The following LRFN5 variants were observed in gnomAD, a reference collection of about 807,000 sequenced individuals.
The protein encoded by LRFN5 is leucine-rich repeat and fibronectin type-III domain-containing protein 5.
LRFN5 carries 24 observed loss-of-function variants against 45.6 expected under a neutral mutation model. The observed-to-expected ratio is 0.53, with a 90% confidence interval of 0.38 to 0.74. The LOEUF is 0.74. Among genes scored for constraint, LRFN5 ranks in the 30% least tolerant of loss-of-function variants. The pLI is 0.00. For synonymous variants in LRFN5, 340 were observed against 313.8 expected (o/e 1.08, Z -0.88); for missense variants, 776 against 861.5 (o/e 0.90, Z 1.24).
At chr14:41,702,054 C>G (rs777716180) in intron 1 of LRFN5, among the ~76,000 whole-genome samples, 1 of 152,106 alleles carries the variant, frequency 6.6e-6, no homozygotes, top group Non-Finnish European at 1.5e-5. Flanking sequence ...TTGCCCAGGA[C>G]TAAGCATAGG....
At position 41,639,949 on chromosome 14, in the gene LRFN5, A is replaced by ATT. The variant is rs34020254; in HGVS notation, c.-197+31415_-197+31416dup. 4.9e-3 allele frequency among the ~76,000 whole-genome samples: 331 copies of ATT among 68,078 alleles called. 16 individuals carry two copies. Among genetic ancestry groups the ATT allele is most frequent in the African/African-American group, 0.016 (279 of 17,450 alleles). The allele number at this position is 68,078 out of a possible 152,430, so 44.7% of individuals were successfully genotyped here. On this transcript the variant is annotated intron_variant, in intron 1 of 5. Coordinates refer to ENST00000298119, the MANE Select transcript of LRFN5 (RefSeq NM_152447.5). ...AGATGGATGCCAACATGACTGGCTA[A>ATT]TTTTTTTTTTTTTTTTTTTTTTTTT... is the stretch of plus-strand genomic sequence containing the variant.
intron 1 of LRFN5, chr14:41,733,757 A>G (rs1884282313): frequency 6.6e-6 from 1 of 151,898 alleles, no homozygotes; most frequent in Non-Finnish European, 1.5e-5. Flanking sequence ...AGCTAATATC[A>G]TTGTAACTCT....
intron 1 of LRFN5, among the ~76,000 whole-genome samples, chr14:41,691,161 G>T (rs2138705219): frequency 6.6e-6 from 1 of 151,626 alleles, no homozygotes; most frequent in Admixed American, 6.6e-5. Flanking sequence ...CTCATTTTAG[G>T]CTTAATTTAC....
chr14:41,745,639 GA>G (rs200448228), intron 1 of LRFN5, among the ~76,000 whole-genome samples: 4 of 144,386 alleles, frequency 2.8e-5, no homozygotes, highest in South Asian at 4.3e-4. Context: ...ATTGGACTAA[GA>G]AAAAAAGAGA....
At chr14:41,656,685 A>G (rs1880396727) in intron 1 of LRFN5, among the ~76,000 whole-genome samples, 1 of 151,906 alleles carries the variant, frequency 6.6e-6, no homozygotes, top group Non-Finnish European at 1.5e-5. Context: ...TTATGATTCA[A>G]ATGCTCAGCA....
intron 2 of LRFN5, among the ~76,000 whole-genome samples, chr14:41,767,734 A>G (rs1027495210): frequency 1.3e-5 from 2 of 152,206 alleles, no homozygotes; most frequent in African/African-American, 2.4e-5. Flanking sequence ...CCAGCCATAA[A>G]TTTATGTATG....
chr14:41,712,910 C>G (rs1017310789), intron 1 of LRFN5, among the ~76,000 whole-genome samples: 1 of 151,472 alleles, frequency 6.6e-6, no homozygotes, highest in African/African-American at 2.4e-5. Flanking sequence ...ACATTTTACT[C>G]CACAAATATA....
chr14:41,811,494 A>C (rs1189479610), intron 2 of LRFN5, among the ~76,000 whole-genome samples: 1 of 152,130 alleles, frequency 6.6e-6, no homozygotes, highest in Non-Finnish European at 1.5e-5. Flanking sequence ...AGCATAATTC[A>C]TAATAGCCCA....
At position 41,891,393 on chromosome 14, in the gene LRFN5, C is replaced by T. The variant is rs150445484; in HGVS notation, c.1529C>T (p.Thr510Met). ...TRVVGCIQFT[T>M]EQDYVRCHFM... ...GTCGTGGGTTGCATCCAGTTTACTA[C>T]GGAACAGGATTATGTGCGTTGCCAT... Residue 510 changes from threonine to methionine, a missense_variant, in exon 4 of 6, where the codon ACG (threonine) becomes ATG (methionine). Physicochemically the swap from Thr to Met is moderately conservative, Grantham distance 81. Coordinates refer to ENST00000298119, the MANE Select transcript of LRFN5 (RefSeq NM_152447.5). The T allele has an allele frequency of 1.2e-6, 2 of 1,614,090 alleles. No individual in the cohort carries two copies. Among genetic ancestry groups the T allele is most frequent in the Non-Finnish European group, 1.7e-6 (2 of 1,180,028 alleles).
chr14:41,677,480 A>G (rs1327833745), intron 1 of LRFN5, among the ~76,000 whole-genome samples: 1 of 152,118 alleles, frequency 6.6e-6, no homozygotes, highest in Non-Finnish European at 1.5e-5. Flanking sequence ...CTAAGAAAAA[A>G]CACGCTTTAA....
chr14:41,635,039 A>G (rs1402000943), intron 1 of LRFN5, among the ~76,000 whole-genome samples: 1 of 152,102 alleles, frequency 6.6e-6, no homozygotes, highest in Non-Finnish European at 1.5e-5. Context: ...GGGAATTATT[A>G]TACCATTAGA....
chr14:41,890,664 G>A (rs1187231385), intron 3 of LRFN5, among the ~76,000 whole-genome samples: 1 of 147,892 alleles, frequency 6.8e-6, no homozygotes, highest in African/African-American at 2.5e-5. Flanking sequence ...CCGAGATTGC[G>A]CCACTGCACT....
intron 4 of LRFN5, among the ~76,000 whole-genome samples, chr14:41,895,353 G>A (rs577499833): frequency 2.0e-5 from 3 of 152,204 alleles, no homozygotes; most frequent in South Asian, 2.1e-4. Flanking sequence ...GGCTGGGCAC[G>A]GGGGCTCACA....
chr14:41,700,440 G>A (rs928725208), intron 1 of LRFN5: 4 of 152,076 alleles, frequency 2.6e-5, no homozygotes, highest in Admixed American at 2.6e-4. Context: ...GTTATATGAA[G>A]CGTAAACGAG....
intron 1 of LRFN5, among the ~76,000 whole-genome samples, chr14:41,619,417 A>C (rs1424312307): frequency 6.6e-6 from 1 of 152,024 alleles, no homozygotes; most frequent in African/African-American, 2.4e-5. Context: ...AATTAAAATG[A>C]GTGTATTTGA....
At chr14:41,851,726 T>C (rs1889274886) in intron 2 of LRFN5, among the ~76,000 whole-genome samples, 1 of 151,868 alleles carries the variant, frequency 6.6e-6, no homozygotes, top group South Asian at 2.1e-4. Flanking sequence ...CCAAATGCCA[T>C]AGAAGAGCAT....
chr14:41,617,413 AAG>A (rs1338562992), intron 1 of LRFN5, among the ~76,000 whole-genome samples: 2 of 152,132 alleles, frequency 1.3e-5, no homozygotes, highest in African/African-American at 4.8e-5. Flanking sequence ...TTTGGTTCTA[AAG>A]AGGATGCTCT....
At chr14:41,793,169 A>G (rs1434453295) in intron 2 of LRFN5, among the ~76,000 whole-genome samples, 7 of 151,990 alleles carry the variant, frequency 4.6e-5, no homozygotes, top group Non-Finnish European at 7.4e-5. Context: ...AGAAAAAAAA[A>G]GTATTACTTG....
chr14:41,727,626 T>C (rs1206765669), intron 1 of LRFN5, among the ~76,000 whole-genome samples: 1 of 151,850 alleles, frequency 6.6e-6, no homozygotes, highest in Admixed American at 6.6e-5. Context: ...ACCCTGTCTC[T>C]AAAATAAAAT....
Sources: gnomAD v4.1 joint callset for allele counts (sites outside exome capture counted in the v4.1 genomes callset) on GRCh38, gnomAD v4.1.1 for gene constraint, MANE v1.5 for transcripts, NCBI Gene and HGNC (gene_info 2026-07-23, HGNC 2026-07-21) for gene names.